Variants in DIAPH2 observed in about 807,000 individuals in gnomAD.
The protein encoded by DIAPH2 is diaphanous related formin 2, also known as protein diaphanous homolog 2.
In DIAPH2, 35 loss-of-function variants were observed where a neutral mutation model predicts 92.7. The observed-to-expected ratio is 0.38, with a 90% confidence interval of 0.29 to 0.50. DIAPH2 has a LOEUF of 0.50. Ranked by LOEUF, DIAPH2 falls within the 20% of genes least tolerant of loss-of-function variation. DIAPH2 has a pLI of 0.94. For synonymous variants in DIAPH2, 301 were observed against 280.4 expected, an observed-to-expected ratio of 1.07 and a Z score of -0.73; for missense variants, 701 against 819.5, an observed-to-expected ratio of 0.86 and a Z score of 1.77.
intron 23 of DIAPH2, among the ~76,000 whole-genome samples, chrX:97,346,586 T>C (rs2069158855): frequency 8.9e-6 from 1 of 112,201 alleles, no homozygotes; most frequent in South Asian, 3.7e-4. Context: ...ATAAGTTTTA[T>C]GTGACACAGG....
At chrX:97,329,891 GAC>G (rs201851023) in intron 23 of DIAPH2, among the ~76,000 whole-genome samples, 4,881 of 79,314 alleles carry the variant, frequency 0.062, 186 homozygotes, top group African/African-American at 0.12. Context: ...TGCATTCTTA[GAC>G]ACACACACAC....
chrX:97,276,083 C>T (rs1020210561), intron 23 of DIAPH2, among the ~76,000 whole-genome samples: 2 of 112,327 alleles, frequency 1.8e-5, no homozygotes, highest in Non-Finnish European at 3.8e-5. Context: ...GAGACCAGCC[C>T]GGCCAACACA....
At chrX:96,836,559 C>T (rs1243399950) in intron 4 of DIAPH2, among the ~76,000 whole-genome samples, 1 of 104,179 alleles carries the variant, frequency 9.6e-6, no homozygotes, top group Non-Finnish European at 1.9e-5. Context: ...TGACCTAGCC[C>T]GATTCATTAT....
At chrX:97,126,249 T>C (rs889200015) in intron 21 of DIAPH2, among the ~76,000 whole-genome samples, 5 of 111,859 alleles carry the variant, frequency 4.5e-5, no homozygotes, top group African/African-American at 1.6e-4. Context: ...ATAGCTACCA[T>C]GACTAAGTTT....
chrX:97,136,939 C>T (rs954665463), intron 21 of DIAPH2, among the ~76,000 whole-genome samples: 14 of 109,754 alleles, frequency 1.3e-4, no homozygotes, highest in Non-Finnish European at 2.3e-4. Flanking sequence ...TCTCCTATGT[C>T]GTTTCTTTTC....
At chrX:96,694,632 C>T (rs1008476741) in intron 1 of DIAPH2, among the ~76,000 whole-genome samples, 12 of 111,855 alleles carry the variant, frequency 1.1e-4, no homozygotes, top group African/African-American at 3.9e-4. Context: ...TGAGCTACCG[C>T]GCCTGGCTGC....
At chrX:96,988,767 A>G (rs2066048925) in intron 17 of DIAPH2, among the ~76,000 whole-genome samples, 1 of 111,270 alleles carries the variant, frequency 9.0e-6, no homozygotes, top group Non-Finnish European at 1.9e-5. Flanking sequence ...GACAATCTTT[A>G]CTTTTCTGTC....
At chrX:96,836,831 C>T (rs1213432399) in intron 4 of DIAPH2, among the ~76,000 whole-genome samples, 1 of 93,388 alleles carries the variant, frequency 1.1e-5, no homozygotes, top group Non-Finnish European at 2.1e-5. Context: ...GGGTTCACGC[C>T]ATTCTCCTGC....
At chrX:97,541,809 C>G in intron 26 of DIAPH2, among the ~76,000 whole-genome samples, 1 of 112,186 alleles carries the variant, frequency 8.9e-6, no homozygotes, top group Non-Finnish European at 1.9e-5. Context: ...GTGCCCTGGA[C>G]AAGAGAGTGG....
In DIAPH2 at chrX:97,071,468, G is replaced by A. The variant is rs1301453321; in HGVS notation, c.2051-1473G>A. Among the ~76,000 whole-genome samples, 3 of 111,184 alleles carry A rather than the reference G, an allele frequency of 2.7e-5. No homozygotes were observed. In the East Asian group the frequency reaches 8.5e-4, roughly 31 times the overall value. On this transcript the variant is annotated intron_variant, in intron 17 of 26. Coordinates refer to ENST00000324765, the MANE Select transcript of DIAPH2 (RefSeq NM_006729.5). ...GTTGAATCCACATGGCAAACTGCTTGCCATGTCTCATAAGATCATAATTTC... is the reference window on the plus strand; with the variant it reads ...GTTGAATCCACATGGCAAACTGCTTACCATGTCTCATAAGATCATAATTTC...
intron 5 of DIAPH2, among the ~76,000 whole-genome samples, chrX:96,888,583 A>G (rs1402719064): frequency 1.0e-5 from 1 of 98,810 alleles, no homozygotes; most frequent in Non-Finnish European, 2.0e-5. Flanking sequence ...ATATATATCT[A>G]TATATATACA....
chrX:97,507,141 C>CAAAAAAAAACAAAA (rs2070841441), intron 26 of DIAPH2, among the ~76,000 whole-genome samples: 1 of 31,133 alleles, frequency 3.2e-5, no homozygotes, highest in East Asian at 1.0e-3. Context: ...ACAAAACCGA[C>CAAAAAAAAACAAAA]AAAAAAAAAA....
intron 4 of DIAPH2, among the ~76,000 whole-genome samples, chrX:96,771,236 T>G (rs1027176214): frequency 2.7e-5 from 3 of 111,952 alleles, no homozygotes; most frequent in Non-Finnish European, 5.6e-5. Flanking sequence ...TATTTATGAA[T>G]AGGGGTCATT....
intron 22 of DIAPH2, among the ~76,000 whole-genome samples, chrX:97,185,483 A>ATGTG (rs1569323413): frequency 4.7e-4 from 4 of 8,584 alleles, no homozygotes; most frequent in Non-Finnish European, 6.8e-4. Flanking sequence ...ACATATATAT[A>ATGTG]TATATATATA....
At chrX:96,701,214 T>C (rs2063853390) in intron 1 of DIAPH2, among the ~76,000 whole-genome samples, 2 of 111,861 alleles carry the variant, frequency 1.8e-5, no homozygotes, top group South Asian at 3.7e-4. Context: ...TAAATGTATG[T>C]TATAGTGTTC....
intron 22 of DIAPH2, among the ~76,000 whole-genome samples, chrX:97,185,504 TATATA>T (rs2067595617): frequency 3.3e-5 from 2 of 60,426 alleles, no homozygotes; most frequent in South Asian, 2.0e-3. Context: ...TATATATATA[TATATA>T]TATATATATA....
intron 3 of DIAPH2, among the ~76,000 whole-genome samples, chrX:96,748,368 C>T (rs1241489753): frequency 8.9e-6 from 1 of 111,925 alleles, no homozygotes; most frequent in Non-Finnish European, 1.9e-5. Flanking sequence ...TAAATTATTT[C>T]CATAGCACTA....
At chrX:97,307,921 AAAAAAG>A (rs1398534532) in intron 23 of DIAPH2, among the ~76,000 whole-genome samples, 3 of 109,055 alleles carry the variant, frequency 2.8e-5, no homozygotes, top group African/African-American at 6.7e-5. Context: ...AAAAAAAAAA[AAAAAAG>A]AAAAAGAAAA....
At chrX:97,389,453 G>A (rs962179204) in intron 25 of DIAPH2, among the ~76,000 whole-genome samples, 9 of 92,906 alleles carry the variant, frequency 9.7e-5, no homozygotes, top group Non-Finnish European at 6.3e-5. Context: ...GCTACAGAGC[G>A]AGACTCTGTC....
Sources: allele counts gnomAD v4.1 joint callset (sites outside exome capture counted in the v4.1 genomes callset), GRCh38; gene constraint gnomAD v4.1.1; transcripts MANE v1.5; gene names NCBI Gene and HGNC (gene_info 2026-07-23, HGNC 2026-07-21).